Variants in CRLF3 observed in about 807,000 individuals in gnomAD.
CRLF3 encodes cytokine receptor like factor 3, also known as cytokine receptor-like factor 3.
Under a neutral mutation model 55.0 loss-of-function variants are expected in CRLF3, and 33 were observed. The ratio of observed to expected loss-of-function variants is 0.60; its 90% CI spans 0.46 to 0.80. The LOEUF (loss-of-function observed/expected upper bound fraction) is 0.80, where lower values mean the gene tolerates loss of function less well. Among genes scored for constraint, CRLF3 ranks in the 30% least tolerant of loss-of-function variants. The pLI, the probability that CRLF3 is intolerant of heterozygous loss-of-function variation, is 0.00. For synonymous variants in CRLF3, 238 were observed against 196.8 expected, an observed-to-expected ratio of 1.21 and a Z score of -1.75; for missense variants, 494 against 538.4, an observed-to-expected ratio of 0.92 and a Z score of 0.82.
intron 1 of CRLF3, among the ~76,000 whole-genome samples, chr17:30,819,869 A>G (rs1457784528): frequency 1.3e-5 from 2 of 152,250 alleles, no homozygotes; most frequent in African/African-American, 2.4e-5. Flanking sequence ...AGAGGAAAGC[A>G]TAAATCCATG....
At position 30,785,845 on chromosome 17, in the gene CRLF3, G is replaced by A. The variant is rs1022967177; in HGVS notation, c.1072+74C>T. ...TCTCATCTCCTACTATAAATGTATGGAACTGGAACAGATTCACATATTACT... is the reference window on the plus strand; with the variant it reads ...TCTCATCTCCTACTATAAATGTATGAAACTGGAACAGATTCACATATTACT... On this transcript the variant is annotated intron_variant, in intron 7 of 7. Transcript: ENST00000324238. The A allele has an allele frequency of 5.0e-6, 4 of 794,266 alleles. No individual in the cohort carries two copies. In the East Asian group the frequency reaches 1.0e-4, roughly 21 times the overall value. 49.2% of individuals were successfully genotyped at this position (794,266 alleles called of 1,614,324 possible). A position where few individuals can be genotyped will look rare whatever the true frequency, so the allele number is the denominator to read the frequency against.
At chr17:30,823,377 T>TTA (rs1187592602) in intron 1 of CRLF3, among the ~76,000 whole-genome samples, 2 of 151,586 alleles carry the variant, frequency 1.3e-5, no homozygotes, top group Non-Finnish European at 2.9e-5. Context: ...AAAAAACAGA[T>TTA]TATATATATA....
At chr17:30,804,190 G>A in intron 1 of CRLF3, 82 bp from the exon 2 acceptor site, 2 of 912,460 alleles carry the variant, frequency 2.2e-6, no homozygotes, top group Middle Eastern at 6.5e-4. Context: ...GAATCTAAAA[G>A]CACTGTATAA....
At chr17:30,813,162 C>T (rs917793267) in intron 1 of CRLF3, among the ~76,000 whole-genome samples, 7 of 152,280 alleles carry the variant, frequency 4.6e-5, no homozygotes, top group Admixed American at 1.3e-4. Context: ...AAAAAATACA[C>T]GCTTAATTCT....
intron 6 of CRLF3, among the ~76,000 whole-genome samples, chr17:30,791,349 G>C (rs536606549): frequency 3.3e-5 from 5 of 151,730 alleles, no homozygotes; most frequent in South Asian, 2.1e-4. Flanking sequence ...GGGATTACAG[G>C]CGGGAGCCAT....
intron 6 of CRLF3, chr17:30,787,707 T>TG (rs1971679777): frequency 1.3e-5 from 2 of 152,100 alleles, no homozygotes; most frequent in Admixed American, 6.6e-5. Flanking sequence ...TAAAGAAGTA[T>TG]GGGGAGGAGG....
chr17:30,790,320 C>T lies in CRLF3; in HGVS notation c.959+2120G>A, dbSNP rs139394763. On this transcript the variant is annotated intron_variant, in intron 6 of 7. Transcript: ENST00000324238. The stretch of plus-strand genomic sequence containing the variant: ...TATGGTGAAAATCAGGCAAACTTTA[C>T]TTCTCTAAGTCAAAACTGGTCTTTA... Among the ~76,000 whole-genome samples, 160 of 152,290 alleles carry T rather than the reference C, an allele frequency of 1.1e-3. 1 individual carries two copies. The East Asian group carries it at 0.027, about 25-fold the overall frequency.
intron 6 of CRLF3, among the ~76,000 whole-genome samples, chr17:30,789,045 G>C (rs540395691): frequency 6.6e-6 from 1 of 152,094 alleles, no homozygotes; most frequent in Non-Finnish European, 1.5e-5. Context: ...AGTCCCCCTT[G>C]CATTCACATC....
chr17:30,800,388 C>G (rs76222783), intron 2 of CRLF3, among the ~76,000 whole-genome samples: 1,861 of 152,262 alleles, frequency 0.012, 14 homozygotes, highest in Non-Finnish European at 0.019. Context: ...TTAAGCACCT[C>G]AAACTCACCA....
At chr17:30,789,513 A>T (rs1971738066) in intron 6 of CRLF3, among the ~76,000 whole-genome samples, 1 of 152,208 alleles carries the variant, frequency 6.6e-6, no homozygotes, top group Admixed American at 6.6e-5. Context: ...TTCAACACTA[A>T]CTAGAATCAT....
intron 2 of CRLF3, among the ~76,000 whole-genome samples, chr17:30,799,490 C>T (rs555886056): frequency 3.3e-5 from 5 of 151,826 alleles, no homozygotes; most frequent in Admixed American, 2.6e-4. Context: ...TCCCAAGTAG[C>T]TAGGACTACA....
intron 3 of CRLF3, among the ~76,000 whole-genome samples, chr17:30,796,725 CTTT>C (rs750539288): frequency 3.8e-5 from 5 of 132,240 alleles, no homozygotes; most frequent in East Asian, 2.2e-4. Context: ...CAGTGAAACG[CTTT>C]TTTTTTTTTT....
At chr17:30,810,558 C>T (rs1370103999) in intron 1 of CRLF3, among the ~76,000 whole-genome samples, 1 of 151,308 alleles carries the variant, frequency 6.6e-6, no homozygotes, top group Non-Finnish European at 1.5e-5. Flanking sequence ...CAAGACTCCA[C>T]CTCAAAAAAA....
chr17:30,806,584 G>A (rs1481881685), intron 1 of CRLF3, among the ~76,000 whole-genome samples: 2 of 151,976 alleles, frequency 1.3e-5, no homozygotes, highest in Non-Finnish European at 2.9e-5. Flanking sequence ...ATATTCTAGG[G>A]GATATGACAG....
intron 6 of CRLF3, chr17:30,790,752 G>A (rs1971779986): frequency 6.6e-6 from 1 of 151,558 alleles, no homozygotes; most frequent in Non-Finnish European, 1.5e-5. Context: ...GAGTAGCTGG[G>A]ACTACAGGCG....
intron 1 of CRLF3, among the ~76,000 whole-genome samples, chr17:30,806,358 T>C (rs1293926072): frequency 6.6e-6 from 1 of 152,176 alleles, no homozygotes; most frequent in Non-Finnish European, 1.5e-5. Flanking sequence ...CCTGGAGCAG[T>C]AATTATGAAA....
At chr17:30,813,466 G>A (rs1198590846) in intron 1 of CRLF3, among the ~76,000 whole-genome samples, 1 of 152,176 alleles carries the variant, frequency 6.6e-6, no homozygotes, top group African/African-American at 2.4e-5. Context: ...CATTATGATG[G>A]GAAAGAGAGT....
Position 30,796,316 on chromosome 17 carries a change from C to T in CRLF3, c.447G>A (p.Leu149=), listed in dbSNP as rs138945858. The change falls in exon 4 of 8, where the codon CTG becomes CTA. Residue 149 remains leucine (L), a synonymous_variant. Coordinates refer to ENST00000324238, the MANE Select transcript of CRLF3 (RefSeq NM_015986.4). ...GAGCAGATAAACAAGGCACATCAACCAGTAAAGGTACTTCTGGTAAGCTGA... is the reference window on the plus strand; with the variant it reads ...GAGCAGATAAACAAGGCACATCAACTAGTAAAGGTACTTCTGGTAAGCTGA... ...QLDSLPEVPL[L]VDVPCLSAQL... 1 of 1,613,464 alleles carries T rather than the reference C, an allele frequency of 6.2e-7. No homozygotes were observed. The highest frequency in any genetic ancestry group is 8.5e-7 in the Non-Finnish European group (1 of 1,179,646).
intron 5 of CRLF3, 172 bp from the exon 6 acceptor site, chr17:30,792,744 A>AAAAG: frequency 2.4e-6 from 1 of 415,464 alleles, no homozygotes; most frequent in South Asian, 4.3e-5. Context: ...CACAAATTAC[A>AAAAG]AAAGATTTTA....
Sources: gnomAD v4.1 joint callset for allele counts (sites outside exome capture counted in the v4.1 genomes callset) on GRCh38, gnomAD v4.1.1 for gene constraint, MANE v1.5 for transcripts, NCBI Gene and HGNC (gene_info 2026-07-23, HGNC 2026-07-21) for gene names.